Variants in HSD17B3 observed in about 807,000 individuals in gnomAD.
The protein encoded by HSD17B3 is hydroxysteroid 17-beta dehydrogenase 3, also known as 17-beta-hydroxysteroid dehydrogenase type 3.
Under a neutral mutation model 41.1 loss-of-function variants are expected in HSD17B3, and 29 were observed. The observed-to-expected ratio is 0.71, with a 90% confidence interval of 0.53 to 0.96. The LOEUF (loss-of-function observed/expected upper bound fraction) is 0.96, where lower values mean the gene tolerates loss of function less well. Ranked by LOEUF, HSD17B3 falls within the 40% of genes least tolerant of loss-of-function variation. HSD17B3 has a pLI of 0.00. For missense variants in HSD17B3, 323 were observed against 374.6 expected (o/e 0.86, Z 1.14); for synonymous variants, 126 against 145.6 (o/e 0.87, Z 0.97).
chr9:96,294,531 C>T (rs1382237357), intron 2 of HSD17B3, among the ~76,000 whole-genome samples: 5 of 152,232 alleles, frequency 3.3e-5, no homozygotes, highest in African/African-American at 1.2e-4. Context: ...GTGTCTGAGT[C>T]TTGCGATAGC....
chr9:96,259,723 A>G (rs1825794299), intron 2 of HSD17B3, among the ~76,000 whole-genome samples: 1 of 100,656 alleles, frequency 9.9e-6, no homozygotes, highest in South Asian at 2.3e-4. Flanking sequence ...TCCGTCTCAA[A>G]AGAAAAAAAA....
At chr9:96,290,174 C>A (rs991624143) in intron 2 of HSD17B3, among the ~76,000 whole-genome samples, 10 of 152,268 alleles carry the variant, frequency 6.6e-5, no homozygotes, top group African/African-American at 2.4e-4. Flanking sequence ...CATCCCTCTC[C>A]ACAATTTTTT....
At chr9:96,281,661 T>G (rs955821814) in intron 2 of HSD17B3, among the ~76,000 whole-genome samples, 1 of 152,202 alleles carries the variant, frequency 6.6e-6, no homozygotes, top group East Asian at 1.9e-4. Context: ...CTAATGGCTG[T>G]GGGTGACAGG....
chr9:96,293,106 G>A (rs1207966766), intron 2 of HSD17B3, among the ~76,000 whole-genome samples: 1 of 152,160 alleles, frequency 6.6e-6, no homozygotes, highest in African/African-American at 2.4e-5. Flanking sequence ...GAAAGAAAGA[G>A]CAACAGGAAG....
rs1052730612 is a variant in HSD17B3, at chr9:96,291,912, G to A, written c.201+6504C>T. On this transcript the variant is annotated intron_variant, in intron 2 of 10. Transcript: ENST00000375263. ...GCAGAGGTTGCAGTGAACCAAGATC[G>A]CACCATTGCACTCCAGCCTAGGTGA... 6.6e-5 allele frequency among the ~76,000 whole-genome samples: 10 copies of A among 151,770 alleles called. No homozygotes were observed. In the East Asian group the frequency reaches 9.7e-4, roughly 15 times the overall value.
At chr9:96,284,900 G>A (rs562227672) in intron 2 of HSD17B3, among the ~76,000 whole-genome samples, 22 of 150,836 alleles carry the variant, frequency 1.5e-4, no homozygotes, top group East Asian at 2.0e-4. Context: ...GTGCAGTGGC[G>A]TGATCCCAGC....
chr9:96,278,644 T>C (rs1826566047), intron 2 of HSD17B3, among the ~76,000 whole-genome samples: 1 of 152,182 alleles, frequency 6.6e-6, no homozygotes, highest in African/African-American at 2.4e-5. Flanking sequence ...GAACTCTGTC[T>C]ACAACTAGGC....
At chr9:96,251,323 C>T in intron 5 of HSD17B3, 95 bp downstream of exon 5, 2 of 1,023,442 alleles carry the variant, frequency 2.0e-6, no homozygotes, top group Non-Finnish European at 3.1e-6. Flanking sequence ...CAGATGCATG[C>T]TTCCATCACG....
intron 2 of HSD17B3, among the ~76,000 whole-genome samples, chr9:96,297,610 G>C (rs910077406): frequency 6.6e-6 from 1 of 152,046 alleles, no homozygotes; most frequent in African/African-American, 2.4e-5. Context: ...GCCTCCCAAA[G>C]TGCTGGGATT....
chr9:96,276,364 C>CA (rs1161704125), intron 2 of HSD17B3, among the ~76,000 whole-genome samples: 2 of 151,998 alleles, frequency 1.3e-5, no homozygotes, highest in Non-Finnish European at 1.5e-5. Context: ...CAATCCCTAT[C>CA]AAAAATCTCA....
intron 9 of HSD17B3, 48 bp from the exon 10 acceptor site, chr9:96,240,955 A>T (rs1156738656): frequency 7.4e-6 from 12 of 1,610,778 alleles, no homozygotes; most frequent in Middle Eastern, 3.3e-4. Flanking sequence ...CCACCCCAGG[A>T]AGAAGACTCA....
intron 2 of HSD17B3, among the ~76,000 whole-genome samples, chr9:96,288,499 G>A (rs1827012974): frequency 6.6e-6 from 1 of 152,070 alleles, no homozygotes; most frequent in Non-Finnish European, 1.5e-5. Flanking sequence ...CAAGCAATTA[G>A]GCCAAGTGAG....
At chr9:96,286,452 G>C (rs1200442477) in intron 2 of HSD17B3, among the ~76,000 whole-genome samples, 1 of 152,170 alleles carries the variant, frequency 6.6e-6, no homozygotes, top group Non-Finnish European at 1.5e-5. Context: ...ACATTGGGAG[G>C]CCAAGACAGG....
At chr9:96,261,247 G>A (rs79005077) in intron 2 of HSD17B3, among the ~76,000 whole-genome samples, 15,315 of 94,982 alleles carry the variant, frequency 0.16, 1,063 homozygotes, top group Admixed American at 0.3. Flanking sequence ...AGAAATGTAA[G>A]TGTTTATTCA....
intron 2 of HSD17B3, among the ~76,000 whole-genome samples, chr9:96,287,147 G>T (rs1306295662): frequency 3.9e-5 from 6 of 152,144 alleles, no homozygotes; most frequent in Non-Finnish European, 1.5e-5. Context: ...GACACAAGCT[G>T]CCCTCCACAA....
intron 5 of HSD17B3, chr9:96,251,193 G>C: frequency 5.1e-6 from 3 of 590,668 alleles, no homozygotes; most frequent in Non-Finnish European, 9.0e-6. Flanking sequence ...TTGATGTGCA[G>C]AGAAGGAGGA....
At chr9:96,278,543 C>T (rs1826562012) in intron 2 of HSD17B3, among the ~76,000 whole-genome samples, 1 of 151,940 alleles carries the variant, frequency 6.6e-6, no homozygotes, top group Non-Finnish European at 1.5e-5. Flanking sequence ...AGGGTGGGTG[C>T]TGCGTGGGGC....
intron 2 of HSD17B3, among the ~76,000 whole-genome samples, chr9:96,278,078 T>G (rs1252958740): frequency 6.6e-6 from 1 of 152,134 alleles, no homozygotes; most frequent in Non-Finnish European, 1.5e-5. Context: ...TGCTAGAGGC[T>G]GGGGGAGGGG....
intron 2 of HSD17B3, among the ~76,000 whole-genome samples, chr9:96,255,968 G>A (rs1002568952): frequency 1.3e-5 from 2 of 152,204 alleles, no homozygotes; most frequent in African/African-American, 4.8e-5. Flanking sequence ...AACGTGGAGC[G>A]CTGGGGGGTC....
Sources: gnomAD v4.1 joint callset for allele counts (sites outside exome capture counted in the v4.1 genomes callset) on GRCh38, gnomAD v4.1.1 for gene constraint, MANE v1.5 for transcripts, NCBI Gene and HGNC (gene_info 2026-07-23, HGNC 2026-07-21) for gene names.